The following TMEM132B variants were observed in gnomAD, a reference collection of about 807,000 sequenced individuals.
TMEM132B encodes transmembrane protein 132B.
TMEM132B carries 18 observed loss-of-function variants against 90.8 expected under a neutral mutation model. The ratio of observed to expected loss-of-function variants is 0.20; its 90% CI spans 0.14 to 0.29. The LOEUF is 0.29. TMEM132B is among the 10% of genes least tolerant of loss of function. The pLI is 1.00. For missense variants in TMEM132B, 1,096 were observed against 1,326.8 expected, an observed-to-expected ratio of 0.83 and a Z score of 2.70; for synonymous variants, 504 against 523.3, an observed-to-expected ratio of 0.96 and a Z score of 0.50.
chr12:125,575,988 A>T (rs565179782), intron 4 of TMEM132B, among the ~76,000 whole-genome samples: 5 of 152,056 alleles, frequency 3.3e-5, no homozygotes, highest in African/African-American at 1.2e-4. Context: ...ATGAATTTTA[A>T]CACTAGCTTG....
At chr12:125,377,286 T>G (rs1454622946) in intron 2 of TMEM132B, among the ~76,000 whole-genome samples, 1 of 152,176 alleles carries the variant, frequency 6.6e-6, no homozygotes, top group Non-Finnish European at 1.5e-5. Context: ...GGACTTATCC[T>G]GAAGGTCAAG....
At chr12:125,317,964 G>C (rs1346359161) in intron 1 of TMEM132B, among the ~76,000 whole-genome samples, 1 of 152,200 alleles carries the variant, frequency 6.6e-6, no homozygotes. Context: ...TAAACTTCCA[G>C]CAGGAGAATG....
At chr12:125,257,866 C>T (rs914606245) in intron 1 of TMEM132B, among the ~76,000 whole-genome samples, 2 of 152,176 alleles carry the variant, frequency 1.3e-5, no homozygotes, top group African/African-American at 4.8e-5. Flanking sequence ...ATGAATTCTT[C>T]CCTAGGGCCT....
intron 6 of TMEM132B, among the ~76,000 whole-genome samples, chr12:125,650,353 C>G (rs1286309491): frequency 1.3e-5 from 2 of 152,176 alleles, no homozygotes; most frequent in East Asian, 3.9e-4. Context: ...AGTTCTGACT[C>G]ATATCTTAGG....
intron 1 of TMEM132B, among the ~76,000 whole-genome samples, chr12:125,321,580 C>T (rs552850034): frequency 5.3e-5 from 8 of 151,536 alleles, no homozygotes; most frequent in South Asian, 2.1e-4. Context: ...CAGGTTCAAG[C>T]GATTCCTCTG....
chr12:125,396,087 C>G (rs1276849463), intron 2 of TMEM132B, among the ~76,000 whole-genome samples: 2 of 152,204 alleles, frequency 1.3e-5, no homozygotes, highest in Admixed American at 1.3e-4. Context: ...CTGAAACCAA[C>G]AGTGGAGTCA....
chr12:125,233,798 G>A (rs912129134), intron 1 of TMEM132B, among the ~76,000 whole-genome samples: 3 of 152,138 alleles, frequency 2.0e-5, no homozygotes, highest in Non-Finnish European at 2.9e-5. Context: ...AATTGATAAT[G>A]CTTTATGCTA....
Position 125,272,548 on chromosome 12 carries a change from C to G in TMEM132B, c.68-76904C>G, listed in dbSNP as rs11058113. 2.6e-5 allele frequency among the ~76,000 whole-genome samples: 4 copies of G among 152,046 alleles called. 1 individual carries two copies. Among genetic ancestry groups the G allele is most frequent in the South Asian group, 4.2e-4 (2 of 4,818 alleles). On this transcript the variant is annotated intron_variant, in intron 1 of 8. Transcript: ENST00000682704. The stretch of plus-strand genomic sequence containing the variant: ...TCCTCAGGAGATGTCCTGCACTGCT[C>G]GAGCTCCTGAGAGCTCTTGGATTAA...
chr12:125,455,785 G>A (rs1342379158), intron 3 of TMEM132B, among the ~76,000 whole-genome samples: 1 of 151,914 alleles, frequency 6.6e-6, no homozygotes, highest in African/African-American at 2.4e-5. Flanking sequence ...GATGATTTCT[G>A]GCCAGGGAGT....
At chr12:125,529,121 G>C (rs1406482396) in intron 4 of TMEM132B, among the ~76,000 whole-genome samples, 1 of 151,118 alleles carries the variant, frequency 6.6e-6, no homozygotes, top group Non-Finnish European at 1.5e-5. Context: ...GCCTCACTCT[G>C]TTGCCCATTT....
At chr12:125,216,449 G>T (rs1873440299) in intron 1 of TMEM132B, among the ~76,000 whole-genome samples, 1 of 152,308 alleles carries the variant, frequency 6.6e-6, no homozygotes, top group East Asian at 1.9e-4. Context: ...TTCACATGTG[G>T]CTTGGGGAGG....
chr12:125,232,646 A>G (rs909992324), intron 1 of TMEM132B, among the ~76,000 whole-genome samples: 11 of 152,340 alleles, frequency 7.2e-5, no homozygotes, highest in Non-Finnish European at 1.3e-4. Flanking sequence ...ATATTGGGAC[A>G]GGGTTAAATG....
chr12:125,589,202 G>A (rs1402568692), intron 5 of TMEM132B, among the ~76,000 whole-genome samples: 1 of 152,054 alleles, frequency 6.6e-6, no homozygotes. Flanking sequence ...AATACCTGAG[G>A]CCGGGCACGG....
At chr12:125,461,417 T>A (rs928076354) in intron 3 of TMEM132B, among the ~76,000 whole-genome samples, 1 of 152,146 alleles carries the variant, frequency 6.6e-6, no homozygotes, top group Non-Finnish European at 1.5e-5. Flanking sequence ...TGATCACAGG[T>A]AATGAGACTG....
rs943065936 is a variant in TMEM132B at position 125,415,188 on chromosome 12, G to A, written c.960-343G>A. Reference sequence around the variant, plus strand: ...TTCTCCATCTCCAGGTGAAGAATAGGCCTTGCAGATCCATCTCTTCTGGCC... The same window carrying A: ...TTCTCCATCTCCAGGTGAAGAATAGACCTTGCAGATCCATCTCTTCTGGCC... On this transcript the variant is annotated intron_variant, in intron 2 of 8. Transcript: ENST00000682704. The surrounding 1 kb of genome is among the most constrained non-coding windows in gnomAD (Gnocchi z 5.3). 6.6e-6 allele frequency among the ~76,000 whole-genome samples: 1 copy of A among 152,112 alleles called. No individual in the cohort carries two copies. Among genetic ancestry groups the A allele is most frequent in the African/African-American group, 2.4e-5 (1 of 41,414 alleles).
At chr12:125,640,344 G>A (rs993127243) in intron 5 of TMEM132B, among the ~76,000 whole-genome samples, 1 of 152,186 alleles carries the variant, frequency 6.6e-6, no homozygotes, top group Non-Finnish European at 1.5e-5. Context: ...TATGTGTGTC[G>A]GGCAGAGGTG....
Position 125,406,556 on chromosome 12 carries a change from A to G in TMEM132B, c.960-8975A>G, listed in dbSNP as rs1245374870. ...CATTTCCAAGTGCTTCATGTGTAGT[A>G]CCTGAAACTCAAGAAATCCTCTTTA... is the stretch of plus-strand genomic sequence containing the variant. On this transcript the variant is annotated intron_variant, in intron 2 of 8. Transcript: ENST00000682704. This position sits in a 1 kb window ranked among gnomAD's most constrained non-coding sequence, Gnocchi z 8.3. Among the ~76,000 whole-genome samples, 2 of 152,222 alleles carry G rather than the reference A, an allele frequency of 1.3e-5. No individual in the cohort carries two copies. The highest frequency in any genetic ancestry group is 3.8e-4 in the East Asian group (2 of 5,200).
rs762032967 is a variant in TMEM132B, at chr12:125,238,366, C to CAAAAAAAAAAA, written c.67+51510_67+51511insAAAAAAAAAAA. ...AGACTCCGTCTCAAAAAAAAAAAAC[C>CAAAAAAAAAAA]AAAAAAAAAACAAAAAAAAACCAAA... is the stretch of plus-strand genomic sequence containing the variant. On this transcript the variant is annotated intron_variant, in intron 1 of 8. Coordinates refer to ENST00000682704, the MANE Select transcript of TMEM132B (RefSeq NM_001366854.1). Among the ~76,000 whole-genome samples the CAAAAAAAAAAA allele has an allele frequency of 4.5e-5, 5 of 111,584 alleles. 1 individual carries two copies. Among genetic ancestry groups the CAAAAAAAAAAA allele is most frequent in the Non-Finnish European group, 5.5e-5 (3 of 54,778 alleles). 73.2% of individuals were successfully genotyped at this position (111,584 alleles called of 152,430 possible). A position where few individuals can be genotyped will look rare whatever the true frequency, so the allele number is the denominator to read the frequency against.
intron 1 of TMEM132B, among the ~76,000 whole-genome samples, chr12:125,223,152 C>T (rs116440482): frequency 0.013 from 1,986 of 152,248 alleles, 39 homozygotes; most frequent in African/African-American, 0.045. Context: ...AAAAGGAAAT[C>T]GACGAAACTA....
Sources: gnomAD v4.1 joint callset for allele counts (sites outside exome capture counted in the v4.1 genomes callset) on GRCh38, gnomAD v4.1.1 for gene constraint, Gnocchi (gnomAD v3.1) non-coding constraint, MANE v1.5 for transcripts, NCBI Gene and HGNC (gene_info 2026-07-23, HGNC 2026-07-21) for gene names.